Variants in NTNG2 observed in about 807,000 individuals in gnomAD.
NTNG2 encodes the protein netrin G2, also known as netrin-G2.
A neutral mutation model predicts 47.6 loss-of-function variants in NTNG2; 15 were observed. That is an observed-to-expected ratio of 0.32 (90% CI 0.21 to 0.49). The LOEUF (loss-of-function observed/expected upper bound fraction) is 0.49. Among genes scored for constraint, NTNG2 ranks in the 20% least tolerant of loss-of-function variants. The pLI is 0.99. For missense variants in NTNG2, 578 were observed against 764.6 expected, an observed-to-expected ratio of 0.76 and a Z score of 2.88; for synonymous variants, 307 against 324.6, an observed-to-expected ratio of 0.95 and a Z score of 0.58.
At chr9:132,202,884 G>A (rs1838882673) in intron 3 of NTNG2, among the ~76,000 whole-genome samples, 1 of 152,246 alleles carries the variant, frequency 6.6e-6, no homozygotes, top group African/African-American at 2.4e-5. Flanking sequence ...CATCCATGGA[G>A]ATGGATGACT....
intron 5 of NTNG2, among the ~76,000 whole-genome samples, chr9:132,237,142 G>A (rs1289447782): frequency 6.6e-6 from 1 of 152,210 alleles, no homozygotes; most frequent in Admixed American, 6.5e-5. Context: ...CCAGCCAGAT[G>A]TGTCCATGGT....
At position 132,240,892 on chromosome 9, in the gene NTNG2, G is replaced by A. The variant is rs376623172; in HGVS notation, c.1223-18G>A. On this transcript the variant is annotated intron_variant, in intron 6 of 7. Coordinates refer to ENST00000393229, the MANE Select transcript of NTNG2 (RefSeq NM_032536.4). ...CACACGTAGCCCTGACCGCGCGCCC[G>A]TGCCCGTGTCCGTCCAGAGTGTAAC... 7.4e-6 allele frequency: 12 copies of A among 1,612,594 alleles called. No individual in the cohort carries two copies. Among genetic ancestry groups the A allele is most frequent in the South Asian group, 2.2e-5 (2 of 91,068 alleles).
chr9:132,167,179 C>A lies in NTNG2; in HGVS notation c.213+135C>A, dbSNP rs569091482. On this transcript the variant is annotated intron_variant, in intron 2 of 7. Coordinates refer to ENST00000393229, the MANE Select transcript of NTNG2 (RefSeq NM_032536.4). ...TTCCTGCCTCTTGACCAGGTCTGGA[C>A]CAGACCTGGACCAGGTCTTTGTCCC... 10 of 897,812 alleles carry A rather than the reference C, an allele frequency of 1.1e-5. No individual in the cohort carries two copies. In the East Asian group the frequency reaches 2.6e-4, roughly 24 times the overall value. The allele number at this position is 897,812 out of a possible 1,614,324, so 55.6% of individuals were successfully genotyped here.
chr9:132,174,144 C>A (rs1255004048), intron 2 of NTNG2, among the ~76,000 whole-genome samples: 4 of 117,716 alleles, frequency 3.4e-5, no homozygotes, highest in Non-Finnish European at 6.6e-5. Flanking sequence ...AGGCAGGCCG[C>A]ACCATGCTGC....
rs756837427 is a variant in NTNG2, at chr9:132,167,020, C to T, written c.189C>T (p.Asp63=). ...AGCCCTCAGGCATCACATGTGGAGA[C>T]CCCCCTGAGAGGTTCTGCTCCCATG... is the stretch of plus-strand genomic sequence containing the variant. ...KVEPSGITCG[D]PPERFCSHEN... is the part of the protein sequence containing the mutation. Residue 63 remains aspartate (D), a synonymous_variant, in exon 2 of 8, where the codon GAC becomes GAT. Coordinates refer to ENST00000393229, the MANE Select transcript of NTNG2 (RefSeq NM_032536.4). The T allele has an allele frequency of 1.9e-6, 3 of 1,614,074 alleles. No homozygotes were observed. Among genetic ancestry groups the T allele is most frequent in the African/African-American group, 1.3e-5 (1 of 74,936 alleles).
intron 3 of NTNG2, among the ~76,000 whole-genome samples, chr9:132,211,905 A>G (rs1839617952): frequency 6.6e-6 from 1 of 152,158 alleles, no homozygotes; most frequent in South Asian, 2.1e-4. Context: ...CGTGCTGTAT[A>G]TGTGTGGAAT....
Position 132,177,778 on chromosome 9 carries a change from CT to C in NTNG2, c.213+10735del, listed in dbSNP as rs1490612596. Among the ~76,000 whole-genome samples, 3 of 152,176 alleles carry C rather than the reference CT, an allele frequency of 2.0e-5. No homozygotes were observed. The East Asian group carries it at 5.8e-4, about 29-fold the overall frequency. ...GTTCAAGCGATTCTCCTGCCTCAGC[CT>C]CCCAAGCAGCTGGGATTACAGGCAC... On this transcript the variant is annotated intron_variant, in intron 2 of 7. Coordinates refer to ENST00000393229, the MANE Select transcript of NTNG2 (RefSeq NM_032536.4).
intron 3 of NTNG2, among the ~76,000 whole-genome samples, chr9:132,200,762 C>T (rs982075994): frequency 6.6e-6 from 1 of 152,204 alleles, no homozygotes; most frequent in African/African-American, 2.4e-5. Flanking sequence ...GCCCGTGGTT[C>T]TGACACCCGT....
chr9:132,224,992 T>C (rs1840634781), intron 3 of NTNG2, among the ~76,000 whole-genome samples: 4 of 149,456 alleles, frequency 2.7e-5, no homozygotes, highest in Admixed American at 2.7e-4. Flanking sequence ...GTGCAATGGC[T>C]CACTGCAACC....
chr9:132,174,791 G>A (rs939385779), intron 2 of NTNG2, among the ~76,000 whole-genome samples: 30 of 151,938 alleles, frequency 2.0e-4, no homozygotes, highest in Non-Finnish European at 4.3e-4. Flanking sequence ...GTGTGGTGGC[G>A]CGCGCCTGTA....
rs576454643 is a variant in NTNG2 at position 132,242,389 on chromosome 9, CTT to C, written c.*294_*295del. 117 of 134,206 alleles carry C rather than the reference CTT, an allele frequency of 8.7e-4. No individual in the cohort carries two copies. The highest frequency in any genetic ancestry group is 7.4e-3 in the East Asian group (34 of 4,622). The allele number at this position is 134,206 out of a possible 1,614,324, so 8.3% of individuals were successfully genotyped here. ...TCCTTTTTTGTCTTTCTCTCTCTCT[CTT>C]TTTTTTTTTTTTTTTCTGGCGGTGA... On this transcript the variant is annotated 3_prime_UTR_variant, in exon 8 of 8. Coordinates refer to ENST00000393229, the MANE Select transcript of NTNG2 (RefSeq NM_032536.4). This position sits in a 1 kb window ranked among gnomAD's most constrained non-coding sequence, Gnocchi z 5.9.
chr9:132,202,060 G>A (rs949187763), intron 3 of NTNG2, among the ~76,000 whole-genome samples: 17 of 152,228 alleles, frequency 1.1e-4, no homozygotes, highest in Admixed American at 2.6e-4. Context: ...GCCCTGGCCC[G>A]GTGGCTGCCT....
intron 2 of NTNG2, among the ~76,000 whole-genome samples, chr9:132,167,969 A>G (rs986170229): frequency 6.6e-6 from 1 of 152,158 alleles, no homozygotes; most frequent in Non-Finnish European, 1.5e-5. Flanking sequence ...GCACACTAAG[A>G]GCACACACTC....
intron 5 of NTNG2, among the ~76,000 whole-genome samples, chr9:132,234,637 C>T (rs1452427295): frequency 6.6e-6 from 1 of 152,246 alleles, no homozygotes; most frequent in African/African-American, 2.4e-5. Context: ...GTCTGGAGGA[C>T]AGCGCTGCGG....
chr9:132,181,895 C>G (rs1836971526), intron 2 of NTNG2, among the ~76,000 whole-genome samples: 1 of 152,252 alleles, frequency 6.6e-6, no homozygotes, highest in Non-Finnish European at 1.5e-5. Flanking sequence ...CCTAAACAGG[C>G]TGCTCAGCTG....
At chr9:132,224,947 T>G (rs918159781) in intron 3 of NTNG2, among the ~76,000 whole-genome samples, 5 of 152,178 alleles carry the variant, frequency 3.3e-5, no homozygotes, top group African/African-American at 1.2e-4. Context: ...TTTTGAGATG[T>G]AGTCTCGCTC....
rs543116369 is a variant in NTNG2, at chr9:132,166,368, G to A, written c.-464G>A. ...ACGCAGGCTGGAGGGTTGTTTTGCCGTTGTGTTGAGCACGTCACCCATTAA... is the reference window on the plus strand; with the variant it reads ...ACGCAGGCTGGAGGGTTGTTTTGCCATTGTGTTGAGCACGTCACCCATTAA... On this transcript the variant is annotated 5_prime_UTR_variant, in exon 2 of 8. Coordinates refer to ENST00000393229, the MANE Select transcript of NTNG2 (RefSeq NM_032536.4). 1.6e-4 allele frequency: 28 copies of A among 174,794 alleles called. No homozygotes were observed. Among genetic ancestry groups the A allele is most frequent in the South Asian group, 1.4e-3 (10 of 7,310 alleles). The allele number at this position is 174,794 out of a possible 1,614,324, so 10.8% of individuals were successfully genotyped here. A position where few individuals can be genotyped will look rare whatever the true frequency, so the allele number is the denominator to read the frequency against.
chr9:132,241,792 C>A, intron 7 of NTNG2, 84 bp from the exon 8 acceptor site: 1 of 1,078,524 alleles, frequency 9.3e-7, no homozygotes, highest in Non-Finnish European at 1.3e-6. Context: ...CCCCCGGGAT[C>A]TCGCACACCC....
chr9:132,189,068 C>CTTTTTTTTTTTTTT (rs749756559), intron 2 of NTNG2, among the ~76,000 whole-genome samples: 5,870 of 93,082 alleles, frequency 0.063, 927 homozygotes, highest in Non-Finnish European at 0.08. Flanking sequence ...TTAAGCCTTT[C>CTTTTTTTTTTTTTT]TTTTTTTTTT....
Sources: allele counts gnomAD v4.1 joint callset (sites outside exome capture counted in the v4.1 genomes callset), GRCh38; gene constraint gnomAD v4.1.1; non-coding constraint Gnocchi (gnomAD v3.1); transcripts MANE v1.5; gene names NCBI Gene and HGNC (gene_info 2026-07-23, HGNC 2026-07-21).